The following CELF3 variants were observed in gnomAD, a reference collection of about 807,000 sequenced individuals.
CELF3 encodes CUGBP Elav-like family member 3.
Under a neutral mutation model 59.6 loss-of-function variants are expected in CELF3, and 26 were observed. That is an observed-to-expected ratio of 0.44 (90% CI 0.32 to 0.61). CELF3 has a LOEUF of 0.61. Among genes scored for constraint, CELF3 ranks in the 20% least tolerant of loss-of-function variants. The pLI is 0.06. For synonymous variants in CELF3, 245 were observed against 250.7 expected (o/e 0.98, Z 0.22); for missense variants, 387 against 627.2 (o/e 0.62, Z 4.09).
At position 151,716,469 on chromosome 1, in the gene CELF3, C is replaced by A. The variant is rs924290634; in HGVS notation, c.-449G>T. The A allele has an allele frequency of 6.6e-6, 2 of 303,184 alleles. No homozygotes were observed. Among genetic ancestry groups the A allele is most frequent in the Non-Finnish European group, 1.3e-5 (2 of 152,088 alleles). The allele number at this position is 303,184 out of a possible 1,614,324, so 18.8% of individuals were successfully genotyped here. On this transcript the variant is annotated 5_prime_UTR_variant, in exon 1 of 13. Coordinates refer to ENST00000290583, the MANE Select transcript of CELF3 (RefSeq NM_007185.7). ...GGGGTTAAGGGGCCTGCTATGGTTGCCAGCAGCGTCAGTAAGGGGGGCCCA... is the reference window on the plus strand; with the variant it reads ...GGGGTTAAGGGGCCTGCTATGGTTGACAGCAGCGTCAGTAAGGGGGGCCCA...
At position 151,700,517 on chromosome 1, in the gene CELF3, C is replaced by T. The variant is rs1299700721; in HGVS notation, c.*2942G>A. Among the ~76,000 whole-genome samples, 1 of 152,274 alleles carries T rather than the reference C, an allele frequency of 6.6e-6. No homozygotes were observed. The highest frequency in any genetic ancestry group is 2.4e-5 in the African/African-American group (1 of 41,552). On this transcript the variant is annotated 3_prime_UTR_variant, in exon 13 of 13. Coordinates refer to ENST00000290583, the MANE Select transcript of CELF3 (RefSeq NM_007185.7). ...AGTGGAAAGTAAGGCTTCGAAGAGC[C>T]TTGAATGCCAGGCTGAGGTGTTCTA...
chr1:151,708,446 A>T (rs1672750791), intron 5 of CELF3: 1 of 177,742 alleles, frequency 5.6e-6, no homozygotes, highest in Admixed American at 5.4e-5. Context: ...TGGAAGGGGC[A>T]TAGGGTCATT....
chr1:151,708,650 G>C (rs915971576), intron 5 of CELF3, among the ~76,000 whole-genome samples: 1 of 151,980 alleles, frequency 6.6e-6, no homozygotes, highest in Non-Finnish European at 1.5e-5. Flanking sequence ...AGGGGTGCAC[G>C]TGGGGCCTCT....
rs2102770045 is a variant in CELF3, at chr1:151,705,784, T to C, written c.1270+38A>G. ...AAATATATTAGACCTTGTCCTGATT[T>C]GGAGTATGGCAAAAAATGTGCCATA... On this transcript the variant is annotated intron_variant, in intron 11 of 12. Transcript: ENST00000290583. This position sits in a 1 kb window ranked among gnomAD's most constrained non-coding sequence, Gnocchi z 5.1. 1.2e-6 allele frequency: 2 copies of C among 1,609,192 alleles called. No homozygotes were observed. The highest frequency in any genetic ancestry group is 4.5e-5 in the East Asian group (2 of 44,810).
At chr1:151,708,046 G>T in intron 5 of CELF3, 111 bp from the exon 6 acceptor site, 1 of 1,264,660 alleles carries the variant, frequency 7.9e-7, no homozygotes, top group Non-Finnish European at 1.1e-6. Context: ...TGGCCTCTCT[G>T]AGAGGGCGGC....
rs1673459599 is a variant in CELF3, at chr1:151,716,082, T to C, written c.-62A>G. The C allele has an allele frequency of 1.3e-6, 2 of 1,515,306 alleles. No individual in the cohort carries two copies. Among genetic ancestry groups the C allele is most frequent in the Admixed American group, 2.2e-5 (1 of 45,252 alleles). 93.9% of individuals were successfully genotyped at this position (1,515,306 alleles called of 1,614,324 possible). On this transcript the variant is annotated 5_prime_UTR_variant, in exon 1 of 13. Transcript: ENST00000290583. ...GAGAGGCCCAAAGGCCAAGGGGAGC[T>C]GCCCAGCAAGGAGATAAGTGGTGGG...
At chr1:151,708,064 T>G in intron 5 of CELF3, 129 bp from the exon 6 acceptor site, 1 of 1,010,854 alleles carries the variant, frequency 9.9e-7, no homozygotes, top group South Asian at 1.7e-5. Flanking sequence ...GGCCACCATT[T>G]TGCGTATGAA....
Position 151,709,001 on chromosome 1 carries a change from C to G in CELF3, c.483G>C (p.Leu161=), listed in dbSNP as rs150572462. 6 of 1,613,298 alleles carry G rather than the reference C, an allele frequency of 3.7e-6. No homozygotes were observed. In the South Asian group the frequency reaches 5.5e-5, roughly 15 times the overall value. ...GGGGCAGGGGAGTGGGGCTCACTGGCAGGGTCCGGCTGCTGTGAAGGGTGT... is the reference window on the plus strand; with the variant it reads ...GGGGCAGGGGAGTGGGGCTCACTGGGAGGGTCCGGCTGCTGTGAAGGGTGT... The part of the protein sequence containing the change: ...AINTLHSSRT[L]PGASSSLVVK... Residue 161 remains leucine (L), a synonymous_variant, in exon 5 of 13, where the codon CTG becomes CTC. Transcript: ENST00000290583. This position sits in a 1 kb window ranked among gnomAD's most constrained non-coding sequence, Gnocchi z 4.9.
rs1558090739 is a variant in CELF3 at position 151,701,359 on chromosome 1, A to T, written c.*2100T>A. Reference sequence around the variant, plus strand: ...CCTGTGTGATCCTGAGCCTGCCCTAAAGCAGCTCACAGAGAAGAATCTAGG... The same window carrying T: ...CCTGTGTGATCCTGAGCCTGCCCTATAGCAGCTCACAGAGAAGAATCTAGG... On this transcript the variant is annotated 3_prime_UTR_variant, in exon 13 of 13. Coordinates refer to ENST00000290583, the MANE Select transcript of CELF3 (RefSeq NM_007185.7). Among the ~76,000 whole-genome samples, 1 of 152,142 alleles carries T rather than the reference A, an allele frequency of 6.6e-6. No homozygotes were observed. Among genetic ancestry groups the T allele is most frequent in the Non-Finnish European group, 1.5e-5 (1 of 68,022 alleles).
intron 1 of CELF3, 25 bp downstream of exon 1, chr1:151,715,851 C>T: frequency 6.2e-7 from 1 of 1,605,554 alleles, no homozygotes; most frequent in Non-Finnish European, 8.5e-7. Flanking sequence ...ACCCCGAAGC[C>T]TCTTCAGCCT....
At position 151,703,447 on chromosome 1, in the gene CELF3, A is replaced by C; in HGVS notation, c.*12T>G. ...GCGCCCCTTCCTCTGGGATCTCCAG[A>C]CCTGTGAAGGAAGAAACATGGGTGA... On this transcript the variant is annotated splice_region_variant and 3_prime_UTR_variant, in exon 13 of 13. Transcript: ENST00000290583. The C allele has an allele frequency of 2.9e-6, 1 of 349,630 alleles. No homozygotes were observed. Among genetic ancestry groups the C allele is most frequent in the Non-Finnish European group, 5.7e-6 (1 of 175,660 alleles). 21.7% of individuals were successfully genotyped at this position (349,630 alleles called of 1,614,324 possible). A position where few individuals can be genotyped will look rare whatever the true frequency, so the allele number is the denominator to read the frequency against.
chr1:151,714,596 C>G lies in CELF3; in HGVS notation c.226G>C (p.Gly76Arg). The part of the protein sequence containing the change: ...SALHEQKTLP[G>R]MNRPIQVKPA... ...GCCCTGCAAAGGGCAGGACTCACCC[C>G]TGGAAGCGTCTTCTGTTCGTGCAGG... The change falls in exon 2 of 13, where the codon GGG becomes CGG. Residue 76 changes from glycine to arginine, a missense_variant and splice_region_variant. Transcript: ENST00000290583. 1 of 1,554,450 alleles carries G rather than the reference C, an allele frequency of 6.4e-7. No individual in the cohort carries two copies. The highest frequency in any genetic ancestry group is 1.9e-5 in the Admixed American group (1 of 51,326).
chr1:151,708,245 T>C (rs78305864), intron 5 of CELF3: 3,360 of 326,862 alleles, frequency 0.01, 109 homozygotes, highest in African/African-American at 0.066. Context: ...ATCCCCACCC[T>C]GGGTTGCCAC....
intron 12 of CELF3, among the ~76,000 whole-genome samples, 162 bp from the exon 13 acceptor site, chr1:151,703,610 C>G (rs960721339): frequency 1.3e-5 from 2 of 151,912 alleles, no homozygotes; most frequent in Non-Finnish European, 2.9e-5. Flanking sequence ...CCCATCTGCC[C>G]CCACCCCCAG....
chr1:151,707,310 C>T lies in CELF3; in HGVS notation c.773-16G>A, dbSNP rs560002386. On this transcript the variant is annotated splice_polypyrimidine_tract_variant and intron_variant, in intron 7 of 12. Transcript: ENST00000290583. ...GTGCTGGTTCCTGGGGAGGAGAAAGCGACAGGGAGAGAGCAGAGGAGCAGA... is the reference window on the plus strand; with the variant it reads ...GTGCTGGTTCCTGGGGAGGAGAAAGTGACAGGGAGAGAGCAGAGGAGCAGA... 118 of 1,566,482 alleles carry T rather than the reference C, an allele frequency of 7.5e-5. No individual in the cohort carries two copies. The highest frequency in any genetic ancestry group is 2.0e-4 in the African/African-American group (15 of 73,328).
At chr1:151,706,060 C>T in intron 10 of CELF3, 95 bp from the exon 11 acceptor site, 2 of 1,585,784 alleles carry the variant, frequency 1.3e-6, no homozygotes, top group Non-Finnish European at 1.7e-6. Flanking sequence ...CTGGGAGTGC[C>T]CTCCAGTCCC....
At position 151,710,706 on chromosome 1, in the gene CELF3, G is replaced by C. The variant is rs545304039; in HGVS notation, c.229-915C>G. On this transcript the variant is annotated intron_variant, in intron 2 of 12. Coordinates refer to ENST00000290583, the MANE Select transcript of CELF3 (RefSeq NM_007185.7). ...TCCTTCGCAATTTACCCTGTGCACG[G>C]AAGTCCTCCAGAGCTCTAACCTCTC... The C allele has an allele frequency of 1.2e-4, 55 of 456,454 alleles. 1 individual carries two copies. Among genetic ancestry groups the C allele is most frequent in the Middle Eastern group, 9.8e-4 (3 of 3,068 alleles). 28.3% of individuals were successfully genotyped at this position (456,454 alleles called of 1,614,324 possible). A position where few individuals can be genotyped will look rare whatever the true frequency, so the allele number is the denominator to read the frequency against.
Position 151,707,855 on chromosome 1 carries a change from G to A in CELF3, c.567C>T (p.Thr189=), listed in dbSNP as rs1558102795. ...CGATGGGGCTGAACATGCCCAACTG[G>A]GTGGCCACCTGCTGCATGCGGCGGA... The part of the protein sequence containing the change: ...RGLRRMQQVA[T]QLGMFSPIAL... The change falls in exon 6 of 13, where the codon ACC becomes ACT. Residue 189 remains threonine (T), a synonymous_variant. Coordinates refer to ENST00000290583, the MANE Select transcript of CELF3 (RefSeq NM_007185.7). The A allele has an allele frequency of 1.2e-6, 2 of 1,613,818 alleles. No homozygotes were observed.
rs112842239 is a variant in CELF3 at position 151,714,711 on chromosome 1, G to T, written c.146-35C>A. 2.0e-4 allele frequency: 292 copies of T among 1,434,472 alleles called. 1 individual carries two copies. In the African/African-American group the frequency reaches 3.6e-3, roughly 18 times the overall value. The allele number at this position is 1,434,472 out of a possible 1,614,324, so 88.9% of individuals were successfully genotyped here. Reference sequence around the variant, plus strand: ...GGCAGGGGCAGAGAAACACGGCGGGGGGTGAGTCCTCCATCTCCCCTCTCT... The same window carrying T: ...GGCAGGGGCAGAGAAACACGGCGGGTGGTGAGTCCTCCATCTCCCCTCTCT... On this transcript the variant is annotated intron_variant, in intron 1 of 12. Transcript: ENST00000290583.
Sources: gnomAD v4.1 joint callset for allele counts (sites outside exome capture counted in the v4.1 genomes callset) on GRCh38, gnomAD v4.1.1 for gene constraint, Gnocchi (gnomAD v3.1) non-coding constraint, MANE v1.5 for transcripts, NCBI Gene and HGNC (gene_info 2026-07-23, HGNC 2026-07-21) for gene names.